PRTFDC1: variants seen among roughly 807,000 people sequenced by gnomAD.
PRTFDC1 encodes phosphoribosyl transferase domain containing 1, also known as phosphoribosyltransferase domain-containing protein 1.
PRTFDC1 carries 38 observed loss-of-function variants against 34.6 expected under a neutral mutation model. The ratio of observed to expected loss-of-function variants is 1.10; its 90% CI spans 0.85 to 1.44. PRTFDC1 has a LOEUF of 1.44. Ranked by LOEUF, PRTFDC1 falls within the 40% of genes most tolerant of loss-of-function variation. The pLI is 0.00. For missense variants in PRTFDC1, 270 were observed against 283.0 expected, an observed-to-expected ratio of 0.95 and a Z score of 0.33; for synonymous variants, 93 against 98.1, an observed-to-expected ratio of 0.95 and a Z score of 0.31.
rs1491335198 is a variant in PRTFDC1, at chr10:24,895,688, G to GAGAT, written c.340-23626_340-23625insATCT. Reference sequence around the variant, plus strand: ...ACCTAGGAGGGCAAGAGCTGGGGTGGATATATATATATATATATATATATA... The same window carrying GAGAT: ...ACCTAGGAGGGCAAGAGCTGGGGTGGAGATATATATATATATATATATATATATA... On this transcript the variant is annotated intron_variant, in intron 3 of 8. Transcript: ENST00000320152. 2.5e-3 allele frequency among the ~76,000 whole-genome samples: 118 copies of GAGAT among 47,416 alleles called. 2 individuals are homozygous for GAGAT. Among genetic ancestry groups the GAGAT allele is most frequent in the African/African-American group, 4.3e-3 (60 of 14,036 alleles). 31.1% of individuals were successfully genotyped at this position (47,416 alleles called of 152,430 possible).
intron 4 of PRTFDC1, among the ~76,000 whole-genome samples, chr10:24,863,281 A>T (rs1847714343): frequency 6.6e-6 from 1 of 152,162 alleles, no homozygotes; most frequent in East Asian, 1.9e-4. Flanking sequence ...ATGATGCTAA[A>T]TCAACTTTGC....
Position 24,896,534 on chromosome 10 carries a change from G to T in PRTFDC1, c.340-24471C>A, listed in dbSNP as rs539859942. Reference sequence around the variant, plus strand: ...CTCATGAGAATCCCAGAGTTCACTAGCTCAACTGCTGACAGTGCCATGCTA... The same window carrying T: ...CTCATGAGAATCCCAGAGTTCACTATCTCAACTGCTGACAGTGCCATGCTA... On this transcript the variant is annotated intron_variant, in intron 3 of 8. Transcript: ENST00000320152. 2.0e-5 allele frequency among the ~76,000 whole-genome samples: 3 copies of T among 152,312 alleles called. No homozygotes were observed. The East Asian group carries it at 5.8e-4, about 29-fold the overall frequency.
intron 4 of PRTFDC1, chr10:24,867,530 A>T (rs113792731): frequency 6.6e-6 from 1 of 152,070 alleles, no homozygotes; most frequent in East Asian, 1.9e-4. Context: ...TATTCTACAC[A>T]TCAAACCCCG....
intron 2 of PRTFDC1, 79 bp from the exon 3 acceptor site, chr10:24,937,446 T>G: frequency 1.5e-6 from 2 of 1,295,928 alleles, no homozygotes; most frequent in Non-Finnish European, 2.1e-6. Context: ...GCAAGATGTA[T>G]TGTACGTATT....
chr10:24,917,268 G>T (rs984383852), intron 3 of PRTFDC1, among the ~76,000 whole-genome samples: 1 of 152,198 alleles, frequency 6.6e-6, no homozygotes, highest in Non-Finnish European at 1.5e-5. Flanking sequence ...TGCAAGGGAG[G>T]CTGGGAAAGC....
At chr10:24,891,512 G>T (rs543857913) in intron 3 of PRTFDC1, among the ~76,000 whole-genome samples, 30 of 152,182 alleles carry the variant, frequency 2.0e-4, no homozygotes, top group Non-Finnish European at 4.0e-4. Context: ...ACAGGCTCAG[G>T]CTGGGTGCAG....
chr10:24,857,806 C>T lies in PRTFDC1; in HGVS notation c.423+586G>A, dbSNP rs542875944. Among the ~76,000 whole-genome samples the T allele has an allele frequency of 3.9e-5, 6 of 152,254 alleles. No homozygotes were observed. The East Asian group carries it at 7.7e-4, about 20-fold the overall frequency. ...GAGACAAGCGTGCTCCTGAAGGAAACGTGGCCATTTGCTGTATTAGTCCAC... is the reference window on the plus strand; with the variant it reads ...GAGACAAGCGTGCTCCTGAAGGAAATGTGGCCATTTGCTGTATTAGTCCAC... On this transcript the variant is annotated intron_variant, in intron 5 of 8. Transcript: ENST00000320152.
chr10:24,894,127 G>C (rs908923244), intron 3 of PRTFDC1, among the ~76,000 whole-genome samples: 4 of 152,054 alleles, frequency 2.6e-5, no homozygotes, highest in African/African-American at 9.7e-5. Context: ...GTCAGGAGAT[G>C]GAGACCAGCC....
At chr10:24,884,157 G>GT (rs1048574594) in intron 3 of PRTFDC1, among the ~76,000 whole-genome samples, 21 of 111,936 alleles carry the variant, frequency 1.9e-4, no homozygotes, top group Non-Finnish European at 3.1e-4. Flanking sequence ...CCACACAATT[G>GT]TTTAAAAAAA....
intron 3 of PRTFDC1, among the ~76,000 whole-genome samples, chr10:24,921,428 A>G (rs150066138): frequency 7.8e-4 from 119 of 152,288 alleles, no homozygotes; most frequent in African/African-American, 2.8e-3. Context: ...GGGACTCCTG[A>G]GAGCTGCAGA....
At chr10:24,880,827 C>A (rs1848060376) in intron 3 of PRTFDC1, among the ~76,000 whole-genome samples, 1 of 127,218 alleles carries the variant, frequency 7.9e-6, no homozygotes, top group Non-Finnish European at 1.6e-5. Context: ...TTCTTTCTTT[C>A]TTTCTTTCTT....
At chr10:24,905,767 C>G (rs958873621) in intron 3 of PRTFDC1, among the ~76,000 whole-genome samples, 24 of 152,090 alleles carry the variant, frequency 1.6e-4, no homozygotes, top group African/African-American at 5.8e-4. Context: ...TGTATTCCAT[C>G]AGTTATCTAT....
intron 3 of PRTFDC1, among the ~76,000 whole-genome samples, chr10:24,872,806 A>ATATTT (rs1235935301): frequency 8.5e-6 from 1 of 117,650 alleles, no homozygotes; most frequent in Non-Finnish European, 1.6e-5. Flanking sequence ...ATATATATAT[A>ATATTT]TTTTTTTTTT....
intron 3 of PRTFDC1, among the ~76,000 whole-genome samples, chr10:24,920,992 G>A (rs1848778861): frequency 6.6e-6 from 1 of 151,974 alleles, no homozygotes; most frequent in Admixed American, 6.5e-5. Flanking sequence ...GACCTACACT[G>A]AAAGTAAGTA....
chr10:24,849,707 C>A lies in PRTFDC1; in HGVS notation c.*137G>T. ...TTTATATTAACCTCAGAAAAGAAAG[C>A]TCTCTCATTTGAACATTTTTTTCTT... On this transcript the variant is annotated 3_prime_UTR_variant, in exon 9 of 9. Transcript: ENST00000320152. 4.2e-6 allele frequency: 3 copies of A among 711,444 alleles called. No homozygotes were observed. Among genetic ancestry groups the A allele is most frequent in the South Asian group, 1.9e-5 (1 of 52,986 alleles). 44.1% of individuals were successfully genotyped at this position (711,444 alleles called of 1,614,324 possible).
At chr10:24,904,466 C>T (rs896782374) in intron 3 of PRTFDC1, among the ~76,000 whole-genome samples, 3 of 152,266 alleles carry the variant, frequency 2.0e-5, no homozygotes, top group South Asian at 2.1e-4. Flanking sequence ...TACGAAAGGG[C>T]TCCTGCAAGT....
intron 6 of PRTFDC1, 66 bp from the exon 7 acceptor site, chr10:24,855,430 A>C: frequency 1.9e-6 from 3 of 1,564,158 alleles, no homozygotes; most frequent in Non-Finnish European, 2.6e-6. Context: ...AATAGAATCA[A>C]GCATCATTAA....
chr10:24,915,377 C>T (rs1410587706), intron 3 of PRTFDC1, among the ~76,000 whole-genome samples: 1 of 152,154 alleles, frequency 6.6e-6, no homozygotes, highest in Non-Finnish European at 1.5e-5. Flanking sequence ...GGCATAACTG[C>T]TTGACTTAAA....
At chr10:24,887,396 G>A (rs2132534373) in intron 3 of PRTFDC1, among the ~76,000 whole-genome samples, 1 of 152,202 alleles carries the variant, frequency 6.6e-6, no homozygotes, top group Non-Finnish European at 1.5e-5. Flanking sequence ...CAATTATCAT[G>A]GAGAACAACC....
Sources: gnomAD v4.1 joint callset for allele counts (sites outside exome capture counted in the v4.1 genomes callset) on GRCh38, gnomAD v4.1.1 for gene constraint, MANE v1.5 for transcripts, NCBI Gene and HGNC (gene_info 2026-07-23, HGNC 2026-07-21) for gene names.